Variants in FAM107B observed in about 807,000 individuals in gnomAD.
FAM107B encodes the protein family with sequence similarity 107 member B, also known as protein FAM107B.
FAM107B carries 21 observed loss-of-function variants against 31.5 expected under a neutral mutation model. That is an observed-to-expected ratio of 0.67 (90% CI 0.47 to 0.96). FAM107B has a LOEUF of 0.96. Among genes scored for constraint, FAM107B ranks in the 40% least tolerant of loss-of-function variants. The probability of loss-of-function intolerance (pLI) is 0.00; values close to 1 mark genes in which losing one functional copy is unlikely to be tolerated. For missense variants in FAM107B, 452 were observed against 377.1 expected, an observed-to-expected ratio of 1.20 and a Z score of -1.64; for synonymous variants, 157 against 141.5, an observed-to-expected ratio of 1.11 and a Z score of -0.78.
intron 2 of FAM107B, among the ~76,000 whole-genome samples, chr10:14,550,157 T>C (rs1849122930): frequency 6.6e-6 from 1 of 152,228 alleles, no homozygotes; most frequent in Admixed American, 6.5e-5. Context: ...AGTGAAGTGA[T>C]CCGATTTATC....
intron 1 of FAM107B, among the ~76,000 whole-genome samples, chr10:14,698,269 T>C (rs551082596): frequency 2.4e-4 from 37 of 152,348 alleles, no homozygotes; most frequent in African/African-American, 7.9e-4. Flanking sequence ...AAGAGAGGTC[T>C]AAATCTACTG....
At chr10:14,677,627 C>CA (rs1471412338) in intron 1 of FAM107B, among the ~76,000 whole-genome samples, 2 of 149,590 alleles carry the variant, frequency 1.3e-5, no homozygotes, top group Admixed American at 6.6e-5. Flanking sequence ...TCTCAAAAAA[C>CA]AAAAAAGAAA....
chr10:14,679,541 C>T (rs72770535), intron 1 of FAM107B, among the ~76,000 whole-genome samples: 14,127 of 152,282 alleles, frequency 0.093, 799 homozygotes, highest in Non-Finnish European at 0.13. Context: ...GATAGCGGGA[C>T]TATCATCTGC....
chr10:14,551,699 AAT>A (rs35723923), intron 2 of FAM107B, among the ~76,000 whole-genome samples: 72,041 of 151,510 alleles, frequency 0.48, 17,332 homozygotes, highest in South Asian at 0.62. Flanking sequence ...TGGAAAAAAA[AAT>A]ATCTGTATTA....
At chr10:14,537,791 C>T (rs187032333) in intron 2 of FAM107B, among the ~76,000 whole-genome samples, 28 of 147,486 alleles carry the variant, frequency 1.9e-4, no homozygotes, top group African/African-American at 7.0e-4. Flanking sequence ...GCTGAGATTG[C>T]GCCACTGCAC....
At chr10:14,593,939 T>C (rs574785044) in intron 2 of FAM107B, among the ~76,000 whole-genome samples, 2 of 152,356 alleles carry the variant, frequency 1.3e-5, no homozygotes, top group African/African-American at 4.8e-5. Context: ...ATAATACAAT[T>C]AGATAAACAT....
At chr10:14,745,305 T>C (rs1014497781) in intron 1 of FAM107B, among the ~76,000 whole-genome samples, 1 of 152,158 alleles carries the variant, frequency 6.6e-6, no homozygotes, top group Non-Finnish European at 1.5e-5. Flanking sequence ...TCTCCTTCAG[T>C]TCCTCTCTGG....
chr10:14,590,185 G>A (rs1468222881), intron 2 of FAM107B, among the ~76,000 whole-genome samples: 1 of 152,214 alleles, frequency 6.6e-6, no homozygotes, highest in East Asian at 1.9e-4. Flanking sequence ...CATTTCTATG[G>A]CTTCTCCAAG....
intron 2 of FAM107B, chr10:14,542,726 G>C (rs995449697): frequency 6.6e-6 from 1 of 152,182 alleles, no homozygotes; most frequent in Non-Finnish European, 1.5e-5. Flanking sequence ...ACACATACCA[G>C]TACAGAGAAC....
In FAM107B at chr10:14,631,135, C is replaced by T. The variant is rs535336131; in HGVS notation, c.469+36499G>A. 3.9e-5 allele frequency among the ~76,000 whole-genome samples: 6 copies of T among 152,226 alleles called. No homozygotes were observed. The East Asian group carries it at 5.8e-4, about 15-fold the overall frequency. On this transcript the variant is annotated intron_variant, in intron 2 of 4. Transcript: ENST00000181796. ...TGGGATAAACAGACACTTTTCTCCC[C>T]GGGACAGTTTGTAATTATCTCACAT...
At position 14,774,321 on chromosome 10, in the gene FAM107B, C is replaced by G; in HGVS notation, c.343G>C (p.Gly115Arg). The change falls in exon 1 of 5, where the codon GGG becomes CGG. Residue 115 changes from glycine (G) to arginine (R), a missense_variant. Gly to Arg is a moderately radical substitution (Grantham distance 125). Transcript: ENST00000181796. ...PEDVPGSLDDGADCEAVVFHA... is the reference protein window; with the variant it reads ...PEDVPGSLDDRADCEAVVFHA... ...AACACCACTGCTTCACAGTCCGCCCCATCATCCAGGGACCCGGGCACATCT... is the reference window on the plus strand; with the variant it reads ...AACACCACTGCTTCACAGTCCGCCCGATCATCCAGGGACCCGGGCACATCT... 6.2e-7 allele frequency: 1 copy of G among 1,614,238 alleles called. No individual in the cohort carries two copies. The highest frequency in any genetic ancestry group is 8.5e-7 in the Non-Finnish European group (1 of 1,180,038).
At chr10:14,606,694 T>G (rs11259219) in intron 2 of FAM107B, among the ~76,000 whole-genome samples, 12,751 of 151,944 alleles carry the variant, frequency 0.084, 623 homozygotes, top group East Asian at 0.18. Context: ...TCTCTCTTCC[T>G]CTCTCCCTCC....
intron 2 of FAM107B, among the ~76,000 whole-genome samples, chr10:14,604,087 A>G (rs1357621942): frequency 7.0e-6 from 1 of 143,112 alleles, no homozygotes; most frequent in African/African-American, 2.6e-5. Context: ...TGGTCCCCGT[A>G]CGCCCGCTGC....
At position 14,548,485 on chromosome 10, in the gene FAM107B, C is replaced by A. The variant is rs999597853; in HGVS notation, c.470-17970G>T. 5.1e-6 allele frequency: 5 copies of A among 985,502 alleles called. No homozygotes were observed. The African/African-American group carries it at 8.7e-5, about 17-fold the overall frequency. 61.0% of individuals were successfully genotyped at this position (985,502 alleles called of 1,614,324 possible). On this transcript the variant is annotated intron_variant, in intron 2 of 4. Transcript: ENST00000181796. The stretch of plus-strand genomic sequence containing the variant: ...GCGCAGGGCTCCTCTGCAGTTCACA[C>A]GAGAATGCTGGAGTTGGCCCAGGGC...
chr10:14,731,160 T>A (rs1323552886), intron 1 of FAM107B, among the ~76,000 whole-genome samples: 2 of 152,204 alleles, frequency 1.3e-5, no homozygotes, highest in African/African-American at 2.4e-5. Context: ...GTCCATTTAT[T>A]GAGTACCTAG....
At chr10:14,681,647 C>T (rs1487254412) in intron 1 of FAM107B, among the ~76,000 whole-genome samples, 1 of 152,134 alleles carries the variant, frequency 6.6e-6, no homozygotes, top group African/African-American at 2.4e-5. Flanking sequence ...CTGCCCATTC[C>T]AAGAACCACT....
chr10:14,524,685 G>T (rs1846039868), intron 3 of FAM107B, among the ~76,000 whole-genome samples: 2 of 152,166 alleles, frequency 1.3e-5, no homozygotes, highest in Admixed American at 1.3e-4. Flanking sequence ...CTATCAAAAA[G>T]TCTTGATATA....
intron 2 of FAM107B, among the ~76,000 whole-genome samples, chr10:14,590,162 T>C (rs953260817): frequency 5.3e-5 from 8 of 152,232 alleles, no homozygotes; most frequent in African/African-American, 1.9e-4. Context: ...GAATCTTGAT[T>C]AGATGACCTC....
chr10:14,549,265 C>G (rs1849033355), intron 2 of FAM107B, among the ~76,000 whole-genome samples: 1 of 152,218 alleles, frequency 6.6e-6, no homozygotes, highest in Admixed American at 6.5e-5. Context: ...GGCAGGCCAT[C>G]CTCCTGACAA....
Sources: gnomAD v4.1 joint callset for allele counts (sites outside exome capture counted in the v4.1 genomes callset) on GRCh38, gnomAD v4.1.1 for gene constraint, MANE v1.5 for transcripts, NCBI Gene and HGNC (gene_info 2026-07-23, HGNC 2026-07-21) for gene names.